The following STEAP3 variants were observed in gnomAD, a reference collection of about 807,000 sequenced individuals.
STEAP3 encodes metalloreductase STEAP3.
Under a neutral mutation model 34.9 loss-of-function variants are expected in STEAP3, and 35 were observed. That is an observed-to-expected ratio of 1.00 (90% CI 0.76 to 1.33). The LOEUF is 1.33. Ranked by LOEUF, STEAP3 falls within the 40% of genes most tolerant of loss-of-function variation. The pLI, the probability that STEAP3 is intolerant of heterozygous loss-of-function variation, is 0.00. For missense variants in STEAP3, 652 were observed against 667.6 expected (o/e 0.98, Z 0.26); for synonymous variants, 281 against 301.6 (o/e 0.93, Z 0.71).
chr2:119,231,345 G>A (rs1319287984), intron 2 of STEAP3, among the ~76,000 whole-genome samples: 10 of 18,120 alleles, frequency 5.5e-4, no homozygotes, highest in African/African-American at 5.3e-3. Flanking sequence ...ACAGTTGCGT[G>A]TGTGTGTGTG....
intron 4 of STEAP3, among the ~76,000 whole-genome samples, chr2:119,252,814 C>T (rs919891338): frequency 6.6e-6 from 1 of 152,178 alleles, no homozygotes; most frequent in Middle Eastern, 3.2e-3. Flanking sequence ...CACCTCATCC[C>T]TCCCTTCCCA....
chr2:119,263,816 C>T lies in STEAP3; in HGVS notation c.*478C>T, dbSNP rs1402617663. On this transcript the variant is annotated 3_prime_UTR_variant, in exon 6 of 6. Transcript: ENST00000393110. ...GGGCTCTGAAGGGGAGGGAAGGCAA[C>T]GGCTCTGCCCAGAGCCATCCCTGGA... 3 of 271,944 alleles carry T rather than the reference C, an allele frequency of 1.1e-5. No individual in the cohort carries two copies. The highest frequency in any genetic ancestry group is 5.1e-5 in the Admixed American group (1 of 19,688). 16.8% of individuals were successfully genotyped at this position (271,944 alleles called of 1,614,324 possible). A position where few individuals can be genotyped will look rare whatever the true frequency, so the allele number is the denominator to read the frequency against.
Position 119,233,962 on chromosome 2 carries a change from G to A in STEAP3, c.22+2928G>A, listed in dbSNP as rs374307296. ...GCAGAGCGGTTAGAGGGTGGAGGCC[G>A]ATTTCCAGTATCCCTGGGAATCCAA... On this transcript the variant is annotated intron_variant, in intron 2 of 5. Transcript: ENST00000393110. Among the ~76,000 whole-genome samples the A allele has an allele frequency of 1.9e-3, 286 of 152,284 alleles. 1 individual carries two copies. Among genetic ancestry groups the A allele is most frequent in the African/African-American group, 6.3e-3 (263 of 41,568 alleles).
At chr2:119,227,311 C>A (rs549843786) in intron 1 of STEAP3, among the ~76,000 whole-genome samples, 1 of 152,208 alleles carries the variant, frequency 6.6e-6, no homozygotes, top group Non-Finnish European at 1.5e-5. Flanking sequence ...CAAACTCTTG[C>A]GTTGTCACTT....
intron 5 of STEAP3, among the ~76,000 whole-genome samples, chr2:119,256,010 T>C (rs1419198007): frequency 6.6e-6 from 1 of 152,158 alleles, no homozygotes; most frequent in Non-Finnish European, 1.5e-5. Context: ...GTTGGCGGAT[T>C]AACTCCTCCC....
chr2:119,230,334 A>C (rs943462181), intron 1 of STEAP3, among the ~76,000 whole-genome samples: 15 of 152,060 alleles, frequency 9.9e-5, no homozygotes, highest in Non-Finnish European at 1.5e-5. Context: ...CCTGGAGACA[A>C]GTGCTGTCAT....
In STEAP3 at chr2:119,231,043, GGCTAGGAC is replaced by G; in HGVS notation, c.22+12_22+19del. 6.2e-7 allele frequency: 1 copy of G among 1,614,150 alleles called. No homozygotes were observed. On this transcript the variant is annotated intron_variant, in intron 2 of 5. Coordinates refer to ENST00000393110, the MANE Select transcript of STEAP3 (RefSeq NM_182915.3). ...GCACCAGCCTGCTGTTGGTAAGTCT[GGCTAGGAC>G]GCAGATCCAAGGGGGCATGGGTCGT...
In STEAP3 at chr2:119,264,034, G is replaced by T. The variant is rs556606311; in HGVS notation, c.*696G>T. The stretch of plus-strand genomic sequence containing the variant: ...GGGGAGACATTTTCCCTGAAAGTCA[G>T]AAGTCACCATAGAGCCTGCAAATGG... On this transcript the variant is annotated 3_prime_UTR_variant, in exon 6 of 6. Coordinates refer to ENST00000393110, the MANE Select transcript of STEAP3 (RefSeq NM_182915.3). 6.2e-4 allele frequency: 97 copies of T among 156,166 alleles called. 1 individual carries two copies. In the Middle Eastern group the frequency reaches 0.014, roughly 22 times the overall value. 9.7% of individuals were successfully genotyped at this position (156,166 alleles called of 1,614,324 possible). A position where few individuals can be genotyped will look rare whatever the true frequency, so the allele number is the denominator to read the frequency against.
At chr2:119,248,259 G>A in intron 4 of STEAP3, 53 bp downstream of exon 4, 1 of 1,469,672 alleles carries the variant, frequency 6.8e-7, no homozygotes. Flanking sequence ...TGCTTGTCCA[G>A]CACCTCCCCC....
At chr2:119,260,320 C>CTT (rs141354895) in intron 5 of STEAP3, among the ~76,000 whole-genome samples, 2,038 of 137,998 alleles carry the variant, frequency 0.015, 58 homozygotes, top group African/African-American at 0.053. Flanking sequence ...TTTTTTTTTT[C>CTT]TTTTTTTTTG....
chr2:119,235,655 T>G (rs1475818659), intron 2 of STEAP3, among the ~76,000 whole-genome samples: 1 of 152,200 alleles, frequency 6.6e-6, no homozygotes, highest in Non-Finnish European at 1.5e-5. Context: ...TTTGCAAAAG[T>G]GAGTTTTACT....
intron 2 of STEAP3, among the ~76,000 whole-genome samples, chr2:119,242,791 C>T (rs1573554033): frequency 6.6e-6 from 1 of 152,172 alleles, no homozygotes; most frequent in African/African-American, 2.4e-5. Context: ...CAGATAGGTC[C>T]ATGGTCACAC....
chr2:119,255,993 G>A (rs559346383), intron 5 of STEAP3, among the ~76,000 whole-genome samples: 69 of 152,250 alleles, frequency 4.5e-4, no homozygotes, highest in African/African-American at 1.3e-3. Flanking sequence ...CAGAATCTGC[G>A]GTCAGTGTTG....
Position 119,230,834 on chromosome 2 carries a change from T to G in STEAP3, c.-179T>G. ...CAGCCCCTGTGGCCAAGAGCTGGCG[T>G]GCAGGCTGCGGGAGGCAGCTGGCTG... On this transcript the variant is annotated 5_prime_UTR_variant, in exon 2 of 6. Transcript: ENST00000393110. The G allele has an allele frequency of 1.3e-6, 1 of 741,644 alleles. No homozygotes were observed. Among genetic ancestry groups the G allele is most frequent in the Non-Finnish European group, 2.3e-6 (1 of 434,402 alleles). The allele number at this position is 741,644 out of a possible 1,614,324, so 45.9% of individuals were successfully genotyped here. A position where few individuals can be genotyped will look rare whatever the true frequency, so the allele number is the denominator to read the frequency against.
At chr2:119,238,196 A>G (rs1026331970) in intron 2 of STEAP3, among the ~76,000 whole-genome samples, 3 of 152,152 alleles carry the variant, frequency 2.0e-5, no homozygotes, top group Non-Finnish European at 4.4e-5. Flanking sequence ...GTCATATAGA[A>G]ACTGTTTAAC....
chr2:119,237,312 T>C (rs1426346287), intron 2 of STEAP3, among the ~76,000 whole-genome samples: 3 of 152,150 alleles, frequency 2.0e-5, no homozygotes, highest in Non-Finnish European at 4.4e-5. Context: ...GCCCCATTTC[T>C]TCATGTGCAC....
At chr2:119,245,106 CACTCCTG>C in intron 2 of STEAP3, 3 of 197,076 alleles carry the variant, frequency 1.5e-5, no homozygotes, top group East Asian at 1.1e-4. Flanking sequence ...GTTAGATGGT[CACTCCTG>C]GCTAGTGACA....
chr2:119,255,483 C>T (rs1386269427), intron 5 of STEAP3, among the ~76,000 whole-genome samples: 1 of 152,196 alleles, frequency 6.6e-6, no homozygotes, highest in Non-Finnish European at 1.5e-5. Context: ...GATCACAATG[C>T]ACTTTGGCAC....
intron 2 of STEAP3, among the ~76,000 whole-genome samples, chr2:119,232,841 G>A (rs576520512): frequency 1.2e-4 from 18 of 152,226 alleles, no homozygotes; most frequent in African/African-American, 3.4e-4. Flanking sequence ...ACACACCACC[G>A]TATGCTAGTT....
Sources: allele counts gnomAD v4.1 joint callset (sites outside exome capture counted in the v4.1 genomes callset), GRCh38; gene constraint gnomAD v4.1.1; transcripts MANE v1.5; gene names NCBI Gene and HGNC (gene_info 2026-07-23, HGNC 2026-07-21).